ZBTB14: variants seen among roughly 807,000 people sequenced by gnomAD.
ZBTB14 encodes the protein zinc finger and BTB domain-containing protein 14.
ZBTB14 carries 8 observed loss-of-function variants against 29.5 expected under a neutral mutation model. The ratio of observed to expected loss-of-function variants is 0.27; its 90% CI spans 0.16 to 0.49. The LOEUF (loss-of-function observed/expected upper bound fraction) is 0.49. Ranked by LOEUF, ZBTB14 falls within the 20% of genes least tolerant of loss-of-function variation. The pLI is 0.99. For missense variants in ZBTB14, 333 were observed against 563.8 expected, an observed-to-expected ratio of 0.59 and a Z score of 4.15; for synonymous variants, 226 against 207.2, an observed-to-expected ratio of 1.09 and a Z score of -0.78.
Position 5,293,327 on chromosome 18 carries a change from C to T in ZBTB14, c.-81G>A. ...TAACTCTGATCAGGAGCACGCCAGA[C>T]CTACAGAGGAAAGGATAAACAAGAA... On this transcript the variant is annotated splice_region_variant and 5_prime_UTR_variant, in exon 3 of 4. Coordinates refer to ENST00000651870, the MANE Select transcript of ZBTB14 (RefSeq NM_001243702.2). The T allele has an allele frequency of 7.0e-7, 1 of 1,427,372 alleles. No homozygotes were observed. The highest frequency in any genetic ancestry group is 9.7e-7 in the Non-Finnish European group (1 of 1,035,426). The allele number at this position is 1,427,372 out of a possible 1,614,324, so 88.4% of individuals were successfully genotyped here.
intron 1 of ZBTB14, chr18:5,294,801 A>C (rs986150826): frequency 3.9e-5 from 6 of 152,070 alleles, no homozygotes; most frequent in Non-Finnish European, 8.8e-5. Context: ...AAAAACTTAC[A>C]TAAGCAGCTG....
At chr18:5,295,376 GGCGGCTGTAGGCGGCGCGGCGGGGCCC>G (rs1161566006) in intron 1 of ZBTB14, among the ~76,000 whole-genome samples, 1 of 143,094 alleles carries the variant, frequency 7.0e-6, no homozygotes, top group Non-Finnish European at 1.5e-5. Flanking sequence ...CTCCTCCGCC[GGCGGCTGTAGGCGGCGCGGCGGGGCCC>G]GCGGCTCGGA....
chr18:5,292,211 A>G lies in ZBTB14; in HGVS notation c.4-7T>C, dbSNP rs2071832382. On this transcript the variant is annotated splice_polypyrimidine_tract_variant and splice_region_variant and intron_variant, in intron 3 of 3. Coordinates refer to ENST00000651870, the MANE Select transcript of ZBTB14 (RefSeq NM_001243702.2). The stretch of plus-strand genomic sequence containing the variant: ...ACATACTGATGAAAAACTCCTACAA[A>G]AAAAAAAAAAGTTTAGTAATTATAA... 2 of 1,472,124 alleles carry G rather than the reference A, an allele frequency of 1.4e-6. No homozygotes were observed. The highest frequency in any genetic ancestry group is 1.8e-6 in the Non-Finnish European group (2 of 1,116,054). The allele number at this position is 1,472,124 out of a possible 1,614,324, so 91.2% of individuals were successfully genotyped here.
At position 5,290,804 on chromosome 18, in the gene ZBTB14, T is replaced by C; in HGVS notation, c.*54A>G. 2 of 1,572,176 alleles carry C rather than the reference T, an allele frequency of 1.3e-6. No homozygotes were observed. The highest frequency in any genetic ancestry group is 2.2e-5 in the East Asian group (1 of 44,564). On this transcript the variant is annotated 3_prime_UTR_variant, in exon 4 of 4. Transcript: ENST00000651870. ...TGTAACTGGCATTCACTCATTATGA[T>C]CCACGTCATCTCAGTCTCCACTTTC... is the stretch of plus-strand genomic sequence containing the variant.
At position 5,289,141 on chromosome 18, in the gene ZBTB14, C is replaced by A. The variant is rs935127974; in HGVS notation, c.*1717G>T. 1 of 152,154 alleles carries A rather than the reference C, an allele frequency of 6.6e-6. No homozygotes were observed. Among genetic ancestry groups the A allele is most frequent in the Non-Finnish European group, 1.5e-5 (1 of 68,028 alleles). The allele number at this position is 152,154 out of a possible 1,614,324, so 9.4% of individuals were successfully genotyped here. ...TGCTTTGGTTAAAACAGCCTAGGAACGGCAATCAGTTCCCCTTCTATAAGT... is the reference window on the plus strand; with the variant it reads ...TGCTTTGGTTAAAACAGCCTAGGAAAGGCAATCAGTTCCCCTTCTATAAGT... On this transcript the variant is annotated 3_prime_UTR_variant, in exon 4 of 4. Transcript: ENST00000651870.
chr18:5,296,954 G>T (rs1043054116), upstream of ZBTB14: 4 of 152,076 alleles, frequency 2.6e-5, no homozygotes, highest in Admixed American at 6.5e-5. Flanking sequence ...CGGCGGCTGT[G>T]CCTGTGTCTG....
intron 1 of ZBTB14, among the ~76,000 whole-genome samples, chr18:5,295,327 CG>C (rs896713912): frequency 6.9e-6 from 1 of 143,938 alleles, no homozygotes; most frequent in Non-Finnish European, 1.5e-5. Flanking sequence ...CCAAGCTCCG[CG>C]GGCGCACCCG....
chr18:5,290,921 C>G lies in ZBTB14; in HGVS notation c.1287G>C (p.Gln429His), dbSNP rs1439432587. The stretch of plus-strand genomic sequence containing the variant: ...CCGCAGCCATCGCTGCCGCCTGCAA[C>G]TGTTCTGTCTCGCTCTGGATGGCAC... The part of the protein sequence containing the change: ...TPSAIQSETE[Q>H]LQAAAMAAEA... The change falls in exon 4 of 4, where the codon CAG becomes CAC. Residue 429 changes from glutamine to histidine, a missense_variant. Gln to His is a conservative substitution (Grantham distance 24). Coordinates refer to ENST00000651870, the MANE Select transcript of ZBTB14 (RefSeq NM_001243702.2). 6.2e-7 allele frequency: 1 copy of G among 1,614,296 alleles called. No individual in the cohort carries two copies. Among genetic ancestry groups the G allele is most frequent in the East Asian group, 2.2e-5 (1 of 44,890 alleles).
At position 5,289,457 on chromosome 18, in the gene ZBTB14, A is replaced by G. The variant is rs182020467; in HGVS notation, c.*1401T>C. 33 of 152,330 alleles carry G rather than the reference A, an allele frequency of 2.2e-4. No homozygotes were observed. Among genetic ancestry groups the G allele is most frequent in the Admixed American group, 1.4e-3 (21 of 15,298 alleles). 9.4% of individuals were successfully genotyped at this position (152,330 alleles called of 1,614,324 possible). A position where few individuals can be genotyped will look rare whatever the true frequency, so the allele number is the denominator to read the frequency against. ...GTTTGAAAAATTGACATTTTCTACA[A>G]TTCTACATTTTGAAAAATAATTGAC... On this transcript the variant is annotated 3_prime_UTR_variant, in exon 4 of 4. Coordinates refer to ENST00000651870, the MANE Select transcript of ZBTB14 (RefSeq NM_001243702.2).
upstream of ZBTB14, chr18:5,295,941 G>C (rs1196152312): frequency 1.3e-5 from 2 of 151,056 alleles, no homozygotes; most frequent in South Asian, 2.1e-4. Flanking sequence ...TTTTTTTTTG[G>C]AGTTTGGGGA....
chr18:5,296,432 C>A (rs1567911202), upstream of ZBTB14, among the ~76,000 whole-genome samples: 1 of 149,606 alleles, frequency 6.7e-6, no homozygotes, highest in Non-Finnish European at 1.5e-5. Flanking sequence ...GACGCGGGAG[C>A]CAGCGCTCCC....
intron 1 of ZBTB14, chr18:5,294,655 C>G (rs1452465905): frequency 6.6e-6 from 1 of 152,246 alleles, no homozygotes; most frequent in Non-Finnish European, 1.5e-5. Flanking sequence ...TTGCCAGCAT[C>G]TGTGTAGGCA....
At position 5,291,131 on chromosome 18, in the gene ZBTB14, T is replaced by C; in HGVS notation, c.1077A>G (p.Arg359=). The C allele has an allele frequency of 6.2e-7, 1 of 1,614,262 alleles. No individual in the cohort carries two copies. Among genetic ancestry groups the C allele is most frequent in the Non-Finnish European group, 8.5e-7 (1 of 1,180,048 alleles). The change falls in exon 4 of 4, where the codon AGA becomes AGG. Residue 359 remains arginine, a synonymous_variant. Transcript: ENST00000651870. This position sits in a 1 kb window ranked among gnomAD's most constrained non-coding sequence, Gnocchi z 5.8. ...KKHERVHSNE[R]PFACHMCDKA... is the part of the protein sequence containing the mutation. ...TGTCACACATGTGGCACGCAAACGG[T>C]CTTTCATTACTGTGAACTCTCTCAT...
At chr18:5,293,451 A>G in intron 2 of ZBTB14, 124 bp from the exon 3 acceptor site, 1 of 587,426 alleles carries the variant, frequency 1.7e-6, no homozygotes, top group Non-Finnish European at 3.0e-6. Context: ...CAGGTTGGGG[A>G]GAGTGGCAGG....
At position 5,291,855 on chromosome 18, in the gene ZBTB14, C is replaced by T. The variant is rs144136246; in HGVS notation, c.353G>A (p.Arg118Gln). ...MMSSGQILGI[R>Q]FLDKLCSQKR... is the part of the protein sequence containing the mutation. ...CTGAGAACACAGTTTATCCAAAAAT[C>T]GGATACCAAGAATCTGACCCGATGA... is the stretch of plus-strand genomic sequence containing the variant. Residue 118 changes from arginine (R) to glutamine (Q), a missense_variant, in exon 4 of 4, where the codon CGA (arginine) becomes CAA (glutamine). Physicochemically the swap from Arg to Gln is conservative, Grantham distance 43. This residue lies in a region of ZBTB14 where 67 missense variants were observed against 157.0 expected (regional missense o/e 0.43). Coordinates refer to ENST00000651870, the MANE Select transcript of ZBTB14 (RefSeq NM_001243702.2). The surrounding 1 kb of genome is among the most constrained non-coding windows in gnomAD (Gnocchi z 5.8). The T allele has an allele frequency of 1.9e-6, 3 of 1,614,094 alleles. No homozygotes were observed. The highest frequency in any genetic ancestry group is 2.2e-5 in the East Asian group (1 of 44,892).
Position 5,291,931 on chromosome 18 carries a change from T to C in ZBTB14, c.277A>G (p.Met93Val). ...TTCACGGAAATCTTTGCTGTGTACA[T>C]GTAGTTCAGGACCTCTTCAAATATA... ...SDIFEEVLNY[M>V]YTAKISVKKE... Residue 93 changes from methionine (M) to valine (V), a missense_variant, in exon 4 of 4, where the codon ATG becomes GTG. Physicochemically the swap from Met to Val is conservative, Grantham distance 21. Around this residue, in one of 3 missense-constraint regions of ZBTB14, gnomAD observed 67 missense variants for 157.0 expected, o/e 0.43. Coordinates refer to ENST00000651870, the MANE Select transcript of ZBTB14 (RefSeq NM_001243702.2). This position sits in a 1 kb window ranked among gnomAD's most constrained non-coding sequence, Gnocchi z 5.8. 2 of 1,614,244 alleles carry C rather than the reference T, an allele frequency of 1.2e-6. No homozygotes were observed. Among genetic ancestry groups the C allele is most frequent in the Non-Finnish European group, 1.7e-6 (2 of 1,180,044 alleles).
intron 1 of ZBTB14, among the ~76,000 whole-genome samples, chr18:5,294,586 C>T (rs1190391593): frequency 6.6e-6 from 1 of 152,178 alleles, no homozygotes; most frequent in Admixed American, 6.5e-5. Flanking sequence ...GCCCCGCCCC[C>T]CTTGCCATTG....
intron 3 of ZBTB14, among the ~76,000 whole-genome samples, chr18:5,292,895 G>T (rs1248674550): frequency 6.6e-6 from 1 of 152,192 alleles, no homozygotes; most frequent in African/African-American, 2.4e-5. Flanking sequence ...GACCTTAAGA[G>T]AATGAGATGA....
Position 5,291,968 on chromosome 18 carries a change from A to G in ZBTB14, c.240T>C (p.Phe80=). ...VDSSSVIEID[F]LRSDIFEEVL... is the part of the protein sequence containing the mutation. ...CCTCTTCAAATATATCAGAACGAAG[A>G]AAATCTATTTCTATGACCGAAGAAC... Residue 80 remains phenylalanine (F), a synonymous_variant, in exon 4 of 4, where the codon TTT becomes TTC. Transcript: ENST00000651870. The surrounding 1 kb of genome is among the most constrained non-coding windows in gnomAD (Gnocchi z 5.8). 1 of 1,614,026 alleles carries G rather than the reference A, an allele frequency of 6.2e-7. No individual in the cohort carries two copies. The highest frequency in any genetic ancestry group is 2.2e-5 in the East Asian group (1 of 44,892).
Sources: gnomAD v4.1 joint callset for allele counts (sites outside exome capture counted in the v4.1 genomes callset) on GRCh38, gnomAD v4.1.1 for gene constraint, gnomAD v4.1.1 regional missense constraint, Gnocchi (gnomAD v3.1) non-coding constraint, MANE v1.5 for transcripts, NCBI Gene and HGNC (gene_info 2026-07-23, HGNC 2026-07-21) for gene names.